Variants in MAN1A1 observed in about 807,000 individuals in gnomAD.
The protein encoded by MAN1A1 is mannosidase alpha class 1A member 1.
Under a neutral mutation model 70.8 loss-of-function variants are expected in MAN1A1, and 29 were observed. That is an observed-to-expected ratio of 0.41 (90% CI 0.31 to 0.56). The LOEUF (loss-of-function observed/expected upper bound fraction) is 0.56, where lower values mean the gene tolerates loss of function less well. MAN1A1 is among the 20% of genes least tolerant of loss of function. The pLI is 0.29. For synonymous variants in MAN1A1, 349 were observed against 330.1 expected, an observed-to-expected ratio of 1.06 and a Z score of -0.62; for missense variants, 747 against 841.3, an observed-to-expected ratio of 0.89 and a Z score of 1.39.
chr6:119,263,304 T>C (rs1488092777), intron 5 of MAN1A1, among the ~76,000 whole-genome samples: 3 of 152,110 alleles, frequency 2.0e-5, no homozygotes, highest in Non-Finnish European at 4.4e-5. Context: ...TACAGATATA[T>C]AGTTCTGTCC....
intron 6 of MAN1A1, among the ~76,000 whole-genome samples, chr6:119,228,318 G>A (rs573038082): frequency 6.6e-6 from 1 of 152,248 alleles, no homozygotes; most frequent in East Asian, 1.9e-4. Context: ...TAATGAATCC[G>A]AAGCTTTGGG....
intron 5 of MAN1A1, among the ~76,000 whole-genome samples, chr6:119,263,338 C>T (rs927151551): frequency 2.6e-5 from 4 of 152,102 alleles, no homozygotes; most frequent in Non-Finnish European, 5.9e-5. Context: ...CTAACTAATA[C>T]AATGTCCTTG....
chr6:119,325,715 T>C (rs576279523), intron 2 of MAN1A1, among the ~76,000 whole-genome samples: 2 of 152,264 alleles, frequency 1.3e-5, no homozygotes, highest in African/African-American at 2.4e-5. Context: ...AATACCCCTA[T>C]TGAGCCCAGA....
At chr6:119,346,269 A>AG (rs1773725760) in intron 2 of MAN1A1, among the ~76,000 whole-genome samples, 2 of 152,226 alleles carry the variant, frequency 1.3e-5, no homozygotes, top group South Asian at 4.1e-4. Context: ...GCCTCTCTAA[A>AG]GCCAAATATT....
intron 2 of MAN1A1, among the ~76,000 whole-genome samples, chr6:119,312,180 C>T (rs1301103629): frequency 6.6e-6 from 1 of 152,160 alleles, no homozygotes; most frequent in Non-Finnish European, 1.5e-5. Context: ...AGCAATCTAA[C>T]TCACTGATTG....
At position 119,178,331 on chromosome 6, in the gene MAN1A1, G is replaced by A. The variant is rs911362811; in HGVS notation, c.*1488C>T. The A allele has an allele frequency of 6.6e-6, 1 of 152,080 alleles. No homozygotes were observed. Among genetic ancestry groups the A allele is most frequent in the Non-Finnish European group, 1.5e-5 (1 of 67,958 alleles). The allele number at this position is 152,080 out of a possible 1,614,324, so 9.4% of individuals were successfully genotyped here. A position where few individuals can be genotyped will look rare whatever the true frequency, so the allele number is the denominator to read the frequency against. On this transcript the variant is annotated 3_prime_UTR_variant, in exon 13 of 13. Coordinates refer to ENST00000368468, the MANE Select transcript of MAN1A1 (RefSeq NM_005907.4). ...TGACAGTTTTTAAACTACAAATGCAGCAATTTCATATGTTTCAGCCTAATC... is the reference window on the plus strand; with the variant it reads ...TGACAGTTTTTAAACTACAAATGCAACAATTTCATATGTTTCAGCCTAATC...
intron 2 of MAN1A1, among the ~76,000 whole-genome samples, chr6:119,343,030 T>C (rs1773638420): frequency 6.6e-6 from 1 of 152,074 alleles, no homozygotes; most frequent in South Asian, 2.1e-4. Flanking sequence ...TATCAAGCTT[T>C]CCCCGGGTGT....
intron 6 of MAN1A1, among the ~76,000 whole-genome samples, chr6:119,213,009 G>A (rs747875489): frequency 6.6e-6 from 1 of 152,082 alleles, no homozygotes; most frequent in Non-Finnish European, 1.5e-5. Context: ...AATATGAAGC[G>A]AGTTTAGGAA....
At chr6:119,323,845 A>T (rs1348952997) in intron 2 of MAN1A1, among the ~76,000 whole-genome samples, 2 of 152,226 alleles carry the variant, frequency 1.3e-5, no homozygotes, top group Non-Finnish European at 2.9e-5. Flanking sequence ...CTAAATTCTA[A>T]ATTATTCAAT....
chr6:119,202,151 T>C (rs1210409633), intron 7 of MAN1A1, among the ~76,000 whole-genome samples: 1 of 152,212 alleles, frequency 6.6e-6, no homozygotes, highest in African/African-American at 2.4e-5. Context: ...TTGACTCTTT[T>C]GTAATAACCA....
intron 2 of MAN1A1, among the ~76,000 whole-genome samples, chr6:119,308,897 A>C (rs1021710701): frequency 2.2e-4 from 34 of 152,346 alleles, no homozygotes; most frequent in Middle Eastern, 3.4e-3. Context: ...TTTGTCAAAA[A>C]TGATCACTTA....
chr6:119,202,534 G>A (rs1773742115), intron 7 of MAN1A1, among the ~76,000 whole-genome samples: 1 of 152,114 alleles, frequency 6.6e-6, no homozygotes. Flanking sequence ...AATCAGTAAT[G>A]CAGTCATTTA....
At chr6:119,307,059 A>G in intron 2 of MAN1A1, 67 bp from the exon 3 acceptor site, 1 of 1,053,888 alleles carries the variant, frequency 9.5e-7, no homozygotes, top group Non-Finnish European at 1.5e-6. Flanking sequence ...AATAGGTAAT[A>G]TATTGAAGAG....
chr6:119,312,916 T>C (rs1480742475), intron 2 of MAN1A1, among the ~76,000 whole-genome samples: 1 of 152,106 alleles, frequency 6.6e-6, no homozygotes, highest in Non-Finnish European at 1.5e-5. Flanking sequence ...GTAAGTATTA[T>C]CTCCCTTACA....
intron 4 of MAN1A1, among the ~76,000 whole-genome samples, chr6:119,294,729 AT>A (rs1355208289): frequency 6.6e-6 from 1 of 152,114 alleles, no homozygotes; most frequent in East Asian, 1.9e-4. Flanking sequence ...TTTCATTTTG[AT>A]TTACTTATAG....
At chr6:119,269,937 A>T (rs979514958) in intron 5 of MAN1A1, among the ~76,000 whole-genome samples, 1 of 152,202 alleles carries the variant, frequency 6.6e-6, no homozygotes, top group African/African-American at 2.4e-5. Flanking sequence ...CTGTGATTAC[A>T]TGCATGCTTC....
intron 2 of MAN1A1, among the ~76,000 whole-genome samples, chr6:119,337,188 A>G (rs957937635): frequency 6.6e-6 from 1 of 152,194 alleles, no homozygotes; most frequent in African/African-American, 2.4e-5. Flanking sequence ...CAACTTGAAA[A>G]CTGGAAAAGG....
intron 6 of MAN1A1, among the ~76,000 whole-genome samples, chr6:119,205,141 T>C (rs559634010): frequency 6.6e-6 from 1 of 152,330 alleles, no homozygotes; most frequent in South Asian, 2.1e-4. Flanking sequence ...CACAAATCTT[T>C]TGGAAAATAC....
chr6:119,235,973 A>T (rs1774831104), intron 6 of MAN1A1, among the ~76,000 whole-genome samples: 1 of 152,074 alleles, frequency 6.6e-6, no homozygotes, highest in Non-Finnish European at 1.5e-5. Flanking sequence ...CCCCATCTCT[A>T]CTAAAAATAC....
Sources: allele counts gnomAD v4.1 joint callset (sites outside exome capture counted in the v4.1 genomes callset), GRCh38; gene constraint gnomAD v4.1.1; transcripts MANE v1.5; gene names NCBI Gene and HGNC (gene_info 2026-07-23, HGNC 2026-07-21).